CPT1A: variants seen among roughly 807,000 people sequenced by gnomAD.
CPT1A encodes carnitine palmitoyltransferase 1A.
CPT1A carries 64 observed loss-of-function variants against 100.8 expected under a neutral mutation model. The observed-to-expected ratio is 0.63, with a 90% confidence interval of 0.52 to 0.78. The LOEUF (loss-of-function observed/expected upper bound fraction) is 0.78. Ranked by LOEUF, CPT1A falls within the 30% of genes least tolerant of loss-of-function variation. CPT1A has a pLI of 0.00. For synonymous variants in CPT1A, 363 were observed against 396.0 expected, an observed-to-expected ratio of 0.92 and a Z score of 0.99; for missense variants, 802 against 1,034.1, an observed-to-expected ratio of 0.78 and a Z score of 3.08.
chr11:68,839,630 T>A (rs959207597), intron 1 of CPT1A: 11 of 985,358 alleles, frequency 1.1e-5, no homozygotes, highest in Non-Finnish European at 3.6e-6. Context: ...TGACAGATGC[T>A]GCATCCAACG....
rs768623327 is a variant in CPT1A, at chr11:68,762,622, A to G, written c.1875+5T>C. 3.1e-5 allele frequency: 50 copies of G among 1,613,408 alleles called. No individual in the cohort carries two copies. Among genetic ancestry groups the G allele is most frequent in the Non-Finnish European group, 3.8e-5 (45 of 1,180,034 alleles). On this transcript the variant is annotated splice_donor_5th_base_variant and intron_variant, in intron 15 of 18. Transcript: ENST00000265641. ...CGTTGTGTCCTCAGCCTGATGGCACATTACCGTCTGGGCCGGGTCCACCAT... is the reference window on the plus strand; with the variant it reads ...CGTTGTGTCCTCAGCCTGATGGCACGTTACCGTCTGGGCCGGGTCCACCAT...
chr11:68,806,265 G>A (rs1170776814), intron 4 of CPT1A, among the ~76,000 whole-genome samples: 2 of 152,086 alleles, frequency 1.3e-5, no homozygotes, highest in Non-Finnish European at 2.9e-5. Context: ...CTGAGCTCAG[G>A]TGGTTCACTG....
intron 13 of CPT1A, 55 bp from the exon 14 acceptor site, chr11:68,773,484 C>T: frequency 6.2e-7 from 1 of 1,612,410 alleles, no homozygotes; most frequent in East Asian, 2.2e-5. Context: ...AGTACTGACG[C>T]ACACCCAGAA....
At chr11:68,788,630 T>TAAAAAAAAAAAAAAAAAAAAAAAAAAG in intron 9 of CPT1A, among the ~76,000 whole-genome samples, 1 of 27,548 alleles carries the variant, frequency 3.6e-5, no homozygotes, top group African/African-American at 1.4e-4. Flanking sequence ...CAAACAAAAG[T>TAAAAAAAAAAAAAAAAAAAAAAAAAAG]AAAAAAAAAA....
chr11:68,774,171 G>C (rs956479069), intron 13 of CPT1A, among the ~76,000 whole-genome samples: 1 of 152,076 alleles, frequency 6.6e-6, no homozygotes, highest in Admixed American at 6.6e-5. Context: ...CCTTCCTTTC[G>C]TTCCTAAAGT....
At chr11:68,828,705 G>T (rs1459771847) in intron 1 of CPT1A, among the ~76,000 whole-genome samples, 1 of 151,052 alleles carries the variant, frequency 6.6e-6, no homozygotes, top group African/African-American at 2.4e-5. Flanking sequence ...GTAGTGAGGA[G>T]GGTGGCAGGG....
intron 8 of CPT1A, 45 bp downstream of exon 8, chr11:68,794,759 A>G (rs1855710902): frequency 1.4e-6 from 2 of 1,460,180 alleles, no homozygotes; most frequent in East Asian, 4.5e-5. Flanking sequence ...ATACCTCTGT[A>G]AAGCTGTTTG....
intron 1 of CPT1A, among the ~76,000 whole-genome samples, chr11:68,830,228 G>C (rs114052221): frequency 6.6e-6 from 1 of 152,058 alleles, no homozygotes; most frequent in African/African-American, 2.4e-5. Context: ...CAGCAAGCCC[G>C]GACTGTGCCA....
In CPT1A at chr11:68,794,923, C is replaced by G. The variant is rs761748357; in HGVS notation, c.772-12G>C. The G allele has an allele frequency of 3.7e-6, 6 of 1,608,840 alleles. No individual in the cohort carries two copies. In the East Asian group the frequency reaches 1.1e-4, roughly 30 times the overall value. On this transcript the variant is annotated splice_polypyrimidine_tract_variant and intron_variant, in intron 7 of 18. Transcript: ENST00000265641. ...ATATACAGCAGATCCTGAAAAGCGA[C>G]AAAGGTGGAGAGAATTTGCATAGGG...
intron 1 of CPT1A, among the ~76,000 whole-genome samples, chr11:68,835,159 G>C (rs926016263): frequency 1.3e-5 from 2 of 152,178 alleles, no homozygotes; most frequent in South Asian, 4.1e-4. Context: ...CGTATTGACA[G>C]ACCCAGTTAT....
At chr11:68,773,616 C>A (rs1455590546) in intron 13 of CPT1A, 187 bp from the exon 14 acceptor site, 6 of 1,024,586 alleles carry the variant, frequency 5.9e-6, no homozygotes, top group Non-Finnish European at 8.4e-6. Flanking sequence ...GGAGGAGCAG[C>A]TGCAATGTTA....
chr11:68,789,787 C>T (rs527512398), intron 9 of CPT1A, among the ~76,000 whole-genome samples: 5 of 152,298 alleles, frequency 3.3e-5, no homozygotes, highest in Admixed American at 2.6e-4. Flanking sequence ...GGGTGCCCAT[C>T]ATTTCCTTTC....
chr11:68,760,954 G>C (rs1162457157), intron 16 of CPT1A, among the ~76,000 whole-genome samples: 1 of 151,974 alleles, frequency 6.6e-6, no homozygotes, highest in Admixed American at 6.6e-5. Context: ...CCGGGAGGCG[G>C]AGGTTTCAGT....
rs561244283 is a variant in CPT1A at position 68,804,031 on chromosome 11, G to A, written c.524C>T (p.Pro175Leu). The A allele has an allele frequency of 2.0e-5, 33 of 1,613,916 alleles. No homozygotes were observed. The South Asian group carries it at 2.1e-4, about 10-fold the overall frequency. Residue 175 changes from proline to leucine, a missense_variant, in exon 5 of 19, where the codon CCG becomes CTG. This residue lies in a region of CPT1A where 627 missense variants were observed against 799.3 expected (regional missense o/e 0.78). Transcript: ENST00000265641. ...CACAGTGTCTTTGACAGCCGGGACC[G>A]GCAGGCGAGGCAGCGATGTCTGGAA... The part of the protein sequence containing the change: ...YSFQTSLPRL[P>L]VPAVKDTVNR...
chr11:68,773,628 A>G, intron 13 of CPT1A, 199 bp from the exon 14 acceptor site: 2 of 880,452 alleles, frequency 2.3e-6, no homozygotes, highest in Non-Finnish European at 1.7e-6. Context: ...GCAATGTTAT[A>G]GCAGGTAGCG....
At chr11:68,781,658 A>G in intron 11 of CPT1A, 113 bp downstream of exon 11, 1 of 954,334 alleles carries the variant, frequency 1.0e-6, no homozygotes, top group Admixed American at 1.8e-5. Flanking sequence ...TTATATTTTT[A>G]TGCCACCTTC....
intron 14 of CPT1A, among the ~76,000 whole-genome samples, chr11:68,768,369 C>A (rs1329525244): frequency 3.3e-5 from 5 of 151,940 alleles, no homozygotes; most frequent in African/African-American, 4.8e-5. Context: ...CCCACTGTGC[C>A]CGGCCTGCCA....
chr11:68,827,236 A>G (rs1482541140), intron 1 of CPT1A, among the ~76,000 whole-genome samples: 2 of 152,058 alleles, frequency 1.3e-5, no homozygotes, highest in African/African-American at 4.8e-5. Context: ...GGGAGGCTGA[A>G]GGGCGAGGCT....
chr11:68,792,024 G>A lies in CPT1A; in HGVS notation c.967+1291C>T, dbSNP rs758502400. ...GACTAGGGCTTGGTCTGGAAGGACCGGGCTGCAACAAGACACTCAAAACTG... is the reference window on the plus strand; with the variant it reads ...GACTAGGGCTTGGTCTGGAAGGACCAGGCTGCAACAAGACACTCAAAACTG... On this transcript the variant is annotated intron_variant, in intron 9 of 18. Coordinates refer to ENST00000265641, the MANE Select transcript of CPT1A (RefSeq NM_001876.4). Among the ~76,000 whole-genome samples the A allele has an allele frequency of 7.2e-4, 109 of 151,982 alleles. 2 individuals are homozygous for A. The highest frequency in any genetic ancestry group is 6.5e-4 in the Non-Finnish European group (44 of 67,998).
Sources: allele counts gnomAD v4.1 joint callset (sites outside exome capture counted in the v4.1 genomes callset), GRCh38; gene constraint gnomAD v4.1.1; regional missense constraint gnomAD v4.1.1; transcripts MANE v1.5; gene names NCBI Gene and HGNC (gene_info 2026-07-23, HGNC 2026-07-21).